NINJ2: variants seen among roughly 807,000 people sequenced by gnomAD.
NINJ2 encodes ninjurin 2, also known as ninjurin-2.
NINJ2 carries 12 observed loss-of-function variants against 11.7 expected under a neutral mutation model. That is an observed-to-expected ratio of 1.02 (90% CI 0.66 to 1.66). The LOEUF (loss-of-function observed/expected upper bound fraction) is 1.66. Among genes scored for constraint, NINJ2 ranks in the 40% most tolerant of loss-of-function variants. The pLI is 0.00. For missense variants in NINJ2, 187 were observed against 181.8 expected (o/e 1.03, Z -0.16); for synonymous variants, 93 against 76.8 (o/e 1.21, Z -1.10).
chr12:625,877 T>C (rs949379574), intron 1 of NINJ2, among the ~76,000 whole-genome samples: 4 of 152,210 alleles, frequency 2.6e-5, no homozygotes, highest in African/African-American at 9.7e-5. Flanking sequence ...ATCTTGTAGA[T>C]ACGTGTGTCT....
chr12:616,024 G>T (rs1948087363), intron 1 of NINJ2, among the ~76,000 whole-genome samples: 1 of 152,202 alleles, frequency 6.6e-6, no homozygotes, highest in Non-Finnish European at 1.5e-5. Context: ...TGGGCCAGAG[G>T]TATAGTAGTT....
chr12:604,968 T>C (rs1347559581), intron 1 of NINJ2, among the ~76,000 whole-genome samples: 1 of 152,218 alleles, frequency 6.6e-6, no homozygotes, highest in Admixed American at 6.5e-5. Flanking sequence ...GTAAGATAAG[T>C]ACAGGAAGCA....
intron 1 of NINJ2, among the ~76,000 whole-genome samples, chr12:638,464 GGA>G (rs1457890606): frequency 7.9e-5 from 12 of 152,250 alleles, no homozygotes; most frequent in African/African-American, 2.7e-4. Flanking sequence ...CACCCAGGCT[GGA>G]GTGCAGTGGC....
rs898783050 is a variant in NINJ2 at position 628,708 on chromosome 12, G to A, written c.33+34620C>T. 1.3e-5 allele frequency among the ~76,000 whole-genome samples: 2 copies of A among 152,074 alleles called. No homozygotes were observed. Among genetic ancestry groups the A allele is most frequent in the Non-Finnish European group, 2.9e-5 (2 of 68,010 alleles). Reference sequence around the variant, plus strand: ...CACAAAGGCCCTGCTGATAAAGCAGGATGCAGTAAGGAAGCCTGCCAAAAC... The same window carrying A: ...CACAAAGGCCCTGCTGATAAAGCAGAATGCAGTAAGGAAGCCTGCCAAAAC... On this transcript the variant is annotated intron_variant, in intron 1 of 3. Transcript: ENST00000305108. The surrounding 1 kb of genome is among the most constrained non-coding windows in gnomAD (Gnocchi z 4.4).
chr12:629,068 G>T (rs570222917), intron 1 of NINJ2, among the ~76,000 whole-genome samples: 1 of 152,212 alleles, frequency 6.6e-6, no homozygotes, highest in East Asian at 1.9e-4. Flanking sequence ...TTCTTTACTT[G>T]TCTAGCAAAC....
At chr12:609,152 G>T (rs58909166) in intron 1 of NINJ2, among the ~76,000 whole-genome samples, 1,469 of 66,374 alleles carry the variant, frequency 0.022, 52 homozygotes, top group Middle Eastern at 0.032. Flanking sequence ...CCACGCTAGG[G>T]GCTGTACGCG....
chr12:654,688 G>A (rs1237777752), intron 1 of NINJ2, among the ~76,000 whole-genome samples: 11 of 144,762 alleles, frequency 7.6e-5, no homozygotes, highest in Admixed American at 1.4e-4. Context: ...GAGGTTGGGA[G>A]TTCAAGACAA....
intron 1 of NINJ2, among the ~76,000 whole-genome samples, chr12:641,577 A>G (rs1592114183): frequency 6.6e-6 from 1 of 152,102 alleles, no homozygotes; most frequent in Non-Finnish European, 1.5e-5. Context: ...GCGGTGGCTC[A>G]CACTTGTAAT....
intron 1 of NINJ2, among the ~76,000 whole-genome samples, chr12:611,479 A>G (rs1459065952): frequency 6.6e-6 from 1 of 152,110 alleles, no homozygotes; most frequent in Non-Finnish European, 1.5e-5. Flanking sequence ...CTCAGATTGC[A>G]AGGGCACACC....
At chr12:642,045 T>TATTTC (rs1415066877) in intron 1 of NINJ2, among the ~76,000 whole-genome samples, 1 of 152,144 alleles carries the variant, frequency 6.6e-6, no homozygotes, top group African/African-American at 2.4e-5. Flanking sequence ...AAAGGGCCCG[T>TATTTC]ATTTCGGTTT....
At chr12:627,023 T>G (rs1948218023) in intron 1 of NINJ2, among the ~76,000 whole-genome samples, 2 of 152,112 alleles carry the variant, frequency 1.3e-5, no homozygotes, top group Non-Finnish European at 2.9e-5. Flanking sequence ...AGTTCGAGGT[T>G]GCAGTGAGCT....
intron 1 of NINJ2, among the ~76,000 whole-genome samples, chr12:592,411 G>T (rs1232036234): frequency 6.6e-6 from 1 of 152,192 alleles, no homozygotes; most frequent in Non-Finnish European, 1.5e-5. Flanking sequence ...AGAATAACTA[G>T]CTTCTCTGGC....
chr12:592,330 T>G (rs575586540), intron 1 of NINJ2, among the ~76,000 whole-genome samples: 162 of 152,272 alleles, frequency 1.1e-3, no homozygotes, highest in Middle Eastern at 3.4e-3. Flanking sequence ...TCACGGTACA[T>G]TCTTGTGAAT....
chr12:608,162 T>G (rs1287522891), intron 1 of NINJ2, among the ~76,000 whole-genome samples: 2 of 152,152 alleles, frequency 1.3e-5, no homozygotes, highest in East Asian at 3.8e-4. Flanking sequence ...ACTCAACCCT[T>G]AAGAGTCTTT....
intron 1 of NINJ2, among the ~76,000 whole-genome samples, chr12:642,381 C>T (rs1948429616): frequency 1.3e-5 from 2 of 152,214 alleles, no homozygotes; most frequent in African/African-American, 4.8e-5. Flanking sequence ...CAGGCGCCCG[C>T]CACCACGCCC....
rs144287065 is a variant in NINJ2 at position 614,433 on chromosome 12, G to A, written c.34-48255C>T. Among the ~76,000 whole-genome samples the A allele has an allele frequency of 5.9e-3, 900 of 152,174 alleles. 2 individuals are homozygous for A. Among genetic ancestry groups the A allele is most frequent in the Non-Finnish European group, 9.2e-3 (627 of 68,006 alleles). ...ATGGAATCTAGATGATCATCTGTGC[G>A]TGAGCTTCATGCCCAGGGGACATGG... On this transcript the variant is annotated intron_variant, in intron 1 of 3. Coordinates refer to ENST00000305108, the MANE Select transcript of NINJ2 (RefSeq NM_016533.6). The surrounding 1 kb of genome is among the most constrained non-coding windows in gnomAD (Gnocchi z 5.1).
chr12:656,959 G>T (rs548356336), intron 1 of NINJ2, among the ~76,000 whole-genome samples: 2 of 152,224 alleles, frequency 1.3e-5, no homozygotes, highest in South Asian at 4.1e-4. Context: ...GTAAAAATAT[G>T]AATCTAAGCA....
rs1162642580 is a variant in NINJ2 at position 614,831 on chromosome 12, C to T, written c.33+48497G>A. On this transcript the variant is annotated intron_variant, in intron 1 of 3. Transcript: ENST00000305108. This position sits in a 1 kb window ranked among gnomAD's most constrained non-coding sequence, Gnocchi z 5.1. ...CTAGGGGCAAGACCATGTCTTCACA[C>T]GTCGGGCAGCGTGCATTGTCAGCGC... Among the ~76,000 whole-genome samples, 1 of 152,028 alleles carries T rather than the reference C, an allele frequency of 6.6e-6. No homozygotes were observed. The highest frequency in any genetic ancestry group is 1.5e-5 in the Non-Finnish European group (1 of 68,030).
chr12:566,546 C>G (rs961272443), intron 1 of NINJ2, among the ~76,000 whole-genome samples: 2 of 152,120 alleles, frequency 1.3e-5, no homozygotes, highest in African/African-American at 4.8e-5. Flanking sequence ...TGTTCTTTTC[C>G]TCTGAGAGGA....
Sources: gnomAD v4.1 joint callset for allele counts (sites outside exome capture counted in the v4.1 genomes callset) on GRCh38, gnomAD v4.1.1 for gene constraint, Gnocchi (gnomAD v3.1) non-coding constraint, MANE v1.5 for transcripts, NCBI Gene and HGNC (gene_info 2026-07-23, HGNC 2026-07-21) for gene names.